ADGRV1: variants seen among roughly 807,000 people sequenced by gnomAD.
ADGRV1 encodes G-protein coupled receptor 98.
In ADGRV1, 359 loss-of-function variants were observed where a neutral mutation model predicts 596.2. The ratio of observed to expected loss-of-function variants is 0.60; its 90% CI spans 0.55 to 0.66. The LOEUF is 0.66. Among genes scored for constraint, ADGRV1 ranks in the 30% least tolerant of loss-of-function variants. The pLI, the probability that ADGRV1 is intolerant of heterozygous loss-of-function variation, is 0.00. For synonymous variants in ADGRV1, 2,681 were observed against 2,679.2 expected (o/e 1.00, Z -0.02); for missense variants, 7,274 against 7,575.6 (o/e 0.96, Z 1.48).
At chr5:90,649,128 C>T (rs1330528247) in intron 17 of ADGRV1, among the ~76,000 whole-genome samples, 3 of 151,166 alleles carry the variant, frequency 2.0e-5, no homozygotes, top group East Asian at 2.0e-4. Context: ...CTCAGCCTCC[C>T]GAGTAGCTGG....
chr5:90,737,500 T>G (rs1753396630), intron 50 of ADGRV1, among the ~76,000 whole-genome samples: 1 of 152,008 alleles, frequency 6.6e-6, no homozygotes, highest in Non-Finnish European at 1.5e-5. Context: ...GCTGTCTAGA[T>G]AGTCAGTTTA....
intron 85 of ADGRV1, among the ~76,000 whole-genome samples, chr5:90,994,237 AT>A (rs1335731990): frequency 6.6e-6 from 1 of 151,484 alleles, no homozygotes; most frequent in Non-Finnish European, 1.5e-5. Flanking sequence ...TAATTTTTAT[AT>A]TTTTAGTAGA....
intron 84 of ADGRV1, among the ~76,000 whole-genome samples, chr5:90,967,504 T>A (rs992966049): frequency 6.6e-6 from 1 of 152,242 alleles, no homozygotes; most frequent in Non-Finnish European, 1.5e-5. Flanking sequence ...TGAGTTAAAC[T>A]TTTTTAAATG....
chr5:90,705,317 A>T (rs1276709636), intron 36 of ADGRV1, 83 bp from the exon 37 acceptor site: 1 of 1,119,922 alleles, frequency 8.9e-7, no homozygotes, highest in Non-Finnish European at 1.3e-6. Flanking sequence ...TGATTACCTT[A>T]ATGTTTCAGA....
intron 66 of ADGRV1, 85 bp from the exon 67 acceptor site, chr5:90,783,753 C>A: frequency 9.7e-7 from 1 of 1,029,910 alleles, no homozygotes; most frequent in Non-Finnish European, 1.4e-6. Context: ...TATGTATGAC[C>A]AATTTGGAAA....
Position 90,658,263 on chromosome 5 carries a change from A to G in ADGRV1, c.4737A>G (p.Gly1579=), listed in dbSNP as rs768683198. ...CAAATGGCTTGTTTGGTTTCACAGG[A>G]GCTTGTATACCAGAGGTAAGTAGTG... The part of the protein sequence containing the change: ...DNANGLFGFT[G]ACIPEIAEEG... The change falls in exon 21 of 90, where the codon GGA becomes GGG. Residue 1579 remains glycine, a synonymous_variant. Coordinates refer to ENST00000405460, the MANE Select transcript of ADGRV1 (RefSeq NM_032119.4). 2 of 1,525,834 alleles carry G rather than the reference A, an allele frequency of 1.3e-6. No homozygotes were observed. The highest frequency in any genetic ancestry group is 1.8e-6 in the Non-Finnish European group (2 of 1,138,090). 94.5% of individuals were successfully genotyped at this position (1,525,834 alleles called of 1,614,324 possible).
chr5:90,830,085 T>A (rs971142859), intron 77 of ADGRV1, among the ~76,000 whole-genome samples: 1 of 152,104 alleles, frequency 6.6e-6, no homozygotes, highest in African/African-American at 2.4e-5. Context: ...AACAGGACAT[T>A]CTGTGCATAA....
chr5:90,606,299 C>T (rs772696806), intron 1 of ADGRV1, among the ~76,000 whole-genome samples: 5 of 152,118 alleles, frequency 3.3e-5, no homozygotes, highest in Non-Finnish European at 5.9e-5. Flanking sequence ...CTTTTCCTAC[C>T]TTCTCATTAC....
chr5:90,594,912 A>G (rs1379662707), intron 1 of ADGRV1, among the ~76,000 whole-genome samples: 1 of 149,574 alleles, frequency 6.7e-6, no homozygotes, highest in Non-Finnish European at 1.5e-5. Flanking sequence ...CAACCATCCG[A>G]TTTCTCAATC....
At chr5:90,580,031 A>G (rs1757783946) in intron 1 of ADGRV1, among the ~76,000 whole-genome samples, 1 of 152,126 alleles carries the variant, frequency 6.6e-6, no homozygotes, top group African/African-American at 2.4e-5. Flanking sequence ...GGTCTCCTGA[A>G]AAGAGCACAC....
At chr5:90,859,160 G>A (rs1767307770) in intron 82 of ADGRV1, among the ~76,000 whole-genome samples, 2 of 152,030 alleles carry the variant, frequency 1.3e-5, no homozygotes, top group East Asian at 1.9e-4. Flanking sequence ...GCAAGTGGGC[G>A]CAGGAGTTCC....
At chr5:91,000,301 T>C (rs758129736) in intron 85 of ADGRV1, among the ~76,000 whole-genome samples, 28 of 152,138 alleles carry the variant, frequency 1.8e-4, no homozygotes, top group Non-Finnish European at 2.5e-4. Context: ...TCAAACATGT[T>C]TACCTTTCCT....
chr5:90,820,833 C>T (rs1477903258), intron 75 of ADGRV1, among the ~76,000 whole-genome samples: 1 of 152,116 alleles, frequency 6.6e-6, no homozygotes, highest in African/African-American at 2.4e-5. Context: ...ACCTTTCTCT[C>T]TGGCTGCCCT....
chr5:90,719,953 C>A, intron 43 of ADGRV1, 95 bp from the exon 44 acceptor site: 1 of 894,556 alleles, frequency 1.1e-6, no homozygotes, highest in Non-Finnish European at 1.8e-6. Context: ...TCAAAACATG[C>A]TATTTTGTTG....
At chr5:90,942,434 G>T (rs1043913416) in intron 83 of ADGRV1, among the ~76,000 whole-genome samples, 10 of 152,304 alleles carry the variant, frequency 6.6e-5, no homozygotes, top group African/African-American at 2.4e-4. Flanking sequence ...GTATGAAATA[G>T]TTATGGAAGA....
intron 24 of ADGRV1, among the ~76,000 whole-genome samples, chr5:90,675,775 G>A (rs1032774454): frequency 3.3e-5 from 5 of 150,908 alleles, no homozygotes; most frequent in African/African-American, 4.9e-5. Flanking sequence ...GTGACATTGT[G>A]AGACTCTGTC....
intron 38 of ADGRV1, among the ~76,000 whole-genome samples, chr5:90,708,072 A>G (rs1748845752): frequency 6.6e-6 from 1 of 152,206 alleles, no homozygotes; most frequent in African/African-American, 2.4e-5. Context: ...GGAGAAAAGC[A>G]TATGTTGGTG....
At chr5:90,928,690 T>C (rs1774812788) in intron 83 of ADGRV1, among the ~76,000 whole-genome samples, 1 of 150,532 alleles carries the variant, frequency 6.6e-6, no homozygotes, top group South Asian at 2.1e-4. Context: ...TGCGTTCCTT[T>C]GGAGGAGGAG....
chr5:90,743,073 G>A (rs16869072), intron 50 of ADGRV1, among the ~76,000 whole-genome samples: 3,855 of 152,216 alleles, frequency 0.025, 164 homozygotes, highest in African/African-American at 0.09. Context: ...TTGGAAGTCC[G>A]TGAGTACAGA....
Sources: allele counts gnomAD v4.1 joint callset (sites outside exome capture counted in the v4.1 genomes callset), GRCh38; gene constraint gnomAD v4.1.1; transcripts MANE v1.5; gene names NCBI Gene and HGNC (gene_info 2026-07-23, HGNC 2026-07-21).